The following RIMOC1 variants were observed in gnomAD, a reference collection of about 807,000 sequenced individuals.
RIMOC1 encodes the protein RAB7A-interacting MON1-CCZ1 complex subunit 1.
the RIMOC1 span, among the ~76,000 whole-genome samples, chr5:41,912,375 C>T: frequency 1.3e-5 from 2 of 151,996 alleles, no homozygotes; most frequent in Non-Finnish European, 2.9e-5. Context: ...TATTTCTAAT[C>T]CCTTGTGTTT....
At chr5:41,916,988 A>G in the RIMOC1 span, 1 of 1,542,180 alleles carries the variant, frequency 6.5e-7, no homozygotes, top group Non-Finnish European at 8.8e-7. Flanking sequence ...TTTTAATTCT[A>G]ATCTGTCAAC....
the RIMOC1 span, among the ~76,000 whole-genome samples, chr5:41,912,691 G>A: frequency 2.0e-5 from 3 of 152,124 alleles, no homozygotes; most frequent in Admixed American, 6.5e-5. Context: ...TCACTATCAC[G>A]AGAACAGAAT....
At chr5:41,917,255 A>G in the RIMOC1 span, 5 of 1,612,224 alleles carry the variant, frequency 3.1e-6, no homozygotes, top group Non-Finnish European at 4.2e-6. Context: ...GAATACAACG[A>G]ATGCAAAACA....
At chr5:41,918,138 A>C in the RIMOC1 span, 2 of 985,408 alleles carry the variant, frequency 2.0e-6, no homozygotes, top group Non-Finnish European at 1.2e-6. Context: ...GTCTACCTCA[A>C]CTCCTGTTGT....
At chr5:41,917,121 A>T in the RIMOC1 span, 21 of 1,613,888 alleles carry the variant, frequency 1.3e-5, no homozygotes, top group Non-Finnish European at 1.8e-5. Flanking sequence ...CATGAAGTGG[A>T]TACTAGTGTG....
chr5:41,919,300 C>G, the RIMOC1 span: 2 of 152,088 alleles, frequency 1.3e-5, no homozygotes, highest in Admixed American at 1.3e-4. Flanking sequence ...GAATGACTAC[C>G]TTCCCAGCCA....
chr5:41,915,601 C>CACT, the RIMOC1 span, among the ~76,000 whole-genome samples: 1 of 152,118 alleles, frequency 6.6e-6, no homozygotes, highest in African/African-American at 2.4e-5. Flanking sequence ...AGGCAGAAGG[C>CACT]ACTTCTTACA....
At chr5:41,904,924 A>T in the RIMOC1 span, among the ~76,000 whole-genome samples, 1 of 152,230 alleles carries the variant, frequency 6.6e-6, no homozygotes, top group Non-Finnish European at 1.5e-5. Flanking sequence ...TCAAAACAAC[A>T]TTCTATAGAA....
chr5:41,909,184 A>G, the RIMOC1 span, among the ~76,000 whole-genome samples: 1 of 152,120 alleles, frequency 6.6e-6, no homozygotes, highest in Non-Finnish European at 1.5e-5. Flanking sequence ...TAAAAAAGGA[A>G]AAAGGATTGG....
the RIMOC1 span, chr5:41,911,983 A>C: frequency 1.2e-6 from 1 of 864,658 alleles, no homozygotes; most frequent in Non-Finnish European, 1.9e-6. Context: ...TTTTCTCTTG[A>C]GTAAAGAATG....
the RIMOC1 span, chr5:41,912,180 G>T: frequency 6.5e-7 from 1 of 1,545,390 alleles, no homozygotes; most frequent in Non-Finnish European, 8.9e-7. Context: ...ATTACTGAGT[G>T]CAGGTAATGT....
chr5:41,905,012 A>G, the RIMOC1 span, among the ~76,000 whole-genome samples: 4 of 152,204 alleles, frequency 2.6e-5, no homozygotes, highest in Non-Finnish European at 5.9e-5. Flanking sequence ...AAGTATTGGC[A>G]TACTTGTTTT....
At chr5:41,918,031 A>C in the RIMOC1 span, 1 of 985,618 alleles carries the variant, frequency 1.0e-6, no homozygotes, top group African/African-American at 1.7e-5. Context: ...ACATCTTTTC[A>C]TAACATACTG....
the RIMOC1 span, chr5:41,904,376 C>T: frequency 3.7e-6 from 6 of 1,613,482 alleles, no homozygotes; most frequent in Middle Eastern, 5.0e-4. Context: ...CCATGGCGGC[C>T]GCAGTCTCTA....
chr5:41,920,296 T>G, the RIMOC1 span: 1 of 152,170 alleles, frequency 6.6e-6, no homozygotes, highest in Admixed American at 6.5e-5. Flanking sequence ...CTTTTTACTC[T>G]GGTGTATTAT....
chr5:41,906,536 A>T, the RIMOC1 span, among the ~76,000 whole-genome samples: 1 of 152,230 alleles, frequency 6.6e-6, no homozygotes, highest in Non-Finnish European at 1.5e-5. Context: ...GAAGCACCTA[A>T]GGCATGTCAT....
the RIMOC1 span, chr5:41,911,304 A>G: frequency 3.7e-6 from 3 of 801,406 alleles, no homozygotes; most frequent in Non-Finnish European, 5.4e-6. Context: ...TCTTTTATTT[A>G]CTAGCTGGGT....
At chr5:41,909,860 ATT>A in the RIMOC1 span, 1 of 1,580,912 alleles carries the variant, frequency 6.3e-7, no homozygotes, top group Non-Finnish European at 8.6e-7. Flanking sequence ...AGAACCAGAA[ATT>A]TTAGTAAAGG....
chr5:41,915,605 T>C, the RIMOC1 span, among the ~76,000 whole-genome samples: 1 of 152,114 alleles, frequency 6.6e-6, no homozygotes, highest in Non-Finnish European at 1.5e-5. Context: ...AGAAGGCACT[T>C]CTTACATGGC....
Sources: gnomAD v4.1 joint callset for allele counts (sites outside exome capture counted in the v4.1 genomes callset) on GRCh38, gnomAD v4.1.1 for gene constraint, MANE v1.5 for transcripts, NCBI Gene and HGNC (gene_info 2026-07-23, HGNC 2026-07-21) for gene names.